The following ZNF345 variants were observed in gnomAD, a reference collection of about 807,000 sequenced individuals.
ZNF345 encodes zinc finger protein 345, also known as zinc finger protein HZF10.
For synonymous variants in ZNF345, 166 were observed against 187.9 expected (o/e 0.88, Z 0.95); for missense variants, 527 against 589.9 (o/e 0.89, Z 1.10).
rs1016426817 is a variant in ZNF345, at chr19:36,852,337, A to G, written c.-47+433A>G. Among the ~76,000 whole-genome samples, 7 of 151,862 alleles carry G rather than the reference A, an allele frequency of 4.6e-5. No homozygotes were observed. The East Asian group carries it at 5.8e-4, about 13-fold the overall frequency. ...TGATTAAATTGCTGATAGTGGCTGG[A>G]TGCAGTGGCTCATGCCTGTAATCCC... On this transcript the variant is annotated intron_variant, in intron 2 of 2. Coordinates refer to ENST00000420450, the MANE Select transcript of ZNF345 (RefSeq NM_001242472.2).
At chr19:36,863,770 G>A (rs2072603863) in intron 2 of ZNF345, among the ~76,000 whole-genome samples, 2 of 152,172 alleles carry the variant, frequency 1.3e-5, no homozygotes, top group Admixed American at 1.3e-4. Context: ...GTTAACATAA[G>A]TTAATCCATC....
At chr19:36,866,051 C>T (rs2072652972) in intron 2 of ZNF345, among the ~76,000 whole-genome samples, 1 of 151,902 alleles carries the variant, frequency 6.6e-6, no homozygotes. Flanking sequence ...TTATTTTATT[C>T]AGTTTGCTAG....
chr19:36,865,834 T>G lies in ZNF345; in HGVS notation c.-46-10951T>G, dbSNP rs545666322. On this transcript the variant is annotated intron_variant, in intron 2 of 2. Transcript: ENST00000420450. Reference sequence around the variant, plus strand: ...GTGCTGTTCATCAGAATGAGGAAATTACCTTCCACTCATAGCTTGTTCAAG... The same window carrying G: ...GTGCTGTTCATCAGAATGAGGAAATGACCTTCCACTCATAGCTTGTTCAAG... 2.8e-4 allele frequency among the ~76,000 whole-genome samples: 43 copies of G among 152,318 alleles called. No homozygotes were observed. In the South Asian group the frequency reaches 4.4e-3, roughly 15 times the overall value.
chr19:36,874,703 C>T (rs960210246), intron 2 of ZNF345, among the ~76,000 whole-genome samples: 4 of 151,676 alleles, frequency 2.6e-5, no homozygotes, highest in South Asian at 2.1e-4. Context: ...CACTTGAACC[C>T]GGGAGGCGGA....
At chr19:36,853,832 T>C (rs1410490947) in intron 2 of ZNF345, among the ~76,000 whole-genome samples, 2 of 152,236 alleles carry the variant, frequency 1.3e-5, no homozygotes, top group Non-Finnish European at 2.9e-5. Flanking sequence ...TTGGAGCAAG[T>C]ACACTTACCT....
intron 2 of ZNF345, among the ~76,000 whole-genome samples, chr19:36,874,020 T>G (rs938702270): frequency 3.3e-5 from 5 of 152,204 alleles, no homozygotes; most frequent in African/African-American, 1.2e-4. Flanking sequence ...ATATTTTGTA[T>G]GTTGATTGTT....
intron 3 of ZNF345, chr19:36,889,947 A>C (rs1334932901): frequency 1.3e-5 from 2 of 152,156 alleles, no homozygotes; most frequent in African/African-American, 4.8e-5. Context: ...GCTGTATCTC[A>C]GATGTTTTCA....
At chr19:36,887,419 G>A (rs1427768503) in intron 3 of ZNF345, among the ~76,000 whole-genome samples, 2 of 152,188 alleles carry the variant, frequency 1.3e-5, no homozygotes, top group Non-Finnish European at 2.9e-5. Flanking sequence ...TATAATGTAA[G>A]ATGTTTTTAG....
At chr19:36,851,986 T>A (rs1452782824) in intron 2 of ZNF345, 82 bp downstream of exon 2, 1 of 152,222 alleles carries the variant, frequency 6.6e-6, no homozygotes, top group African/African-American at 2.4e-5. Context: ...TTGAAAATTC[T>A]TGCCTATGAG....
At chr19:36,883,005 ATTT>A (rs900197475), downstream of ZNF345, among the ~76,000 whole-genome samples, 7 of 152,188 alleles carry the variant, frequency 4.6e-5, no homozygotes, top group African/African-American at 1.7e-4. Flanking sequence ...TGGTTGCTGT[ATTT>A]TTCACTGTGA....
chr19:36,892,630 C>T (rs1165697166), intron 3 of ZNF345, among the ~76,000 whole-genome samples: 2 of 152,148 alleles, frequency 1.3e-5, no homozygotes, highest in Admixed American at 1.3e-4. Context: ...AAAGCACAGA[C>T]ATTAGGAGAG....
At chr19:36,865,906 T>C (rs2072649967) in intron 2 of ZNF345, among the ~76,000 whole-genome samples, 1 of 152,196 alleles carries the variant, frequency 6.6e-6, no homozygotes, top group Admixed American at 6.5e-5. Context: ...TTTATCAAAT[T>C]CTCTGATTGT....
At chr19:36,892,878 G>T in exon 4 of ZNF345, 1 of 1,154,748 alleles carries the variant, frequency 8.7e-7, no homozygotes, top group Non-Finnish European at 1.1e-6. Context: ...AGCTTGTGGA[G>T]CTCCGACTGC....
chr19:36,859,541 C>G (rs1241665678), intron 2 of ZNF345, among the ~76,000 whole-genome samples: 1 of 150,556 alleles, frequency 6.6e-6, no homozygotes, highest in Non-Finnish European at 1.5e-5. Context: ...GAATTCAAAT[C>G]TGTTTTATAT....
In ZNF345 at chr19:36,877,505, T is replaced by C. The variant is rs753413109; in HGVS notation, c.675T>C (p.Thr225=). Reference sequence around the variant, plus strand: ...TTACTCAACATCGGCGGATTCATACTGGTGAGAAACCTTATGAATGCAAAG... The same window carrying C: ...TTACTCAACATCGGCGGATTCATACCGGTGAGAAACCTTATGAATGCAAAG... The part of the protein sequence containing the change: ...SNLTQHRRIH[T]GEKPYECKAC... The change falls in exon 3 of 3, where the codon ACT becomes ACC. Residue 225 remains threonine (T), a synonymous_variant. Transcript: ENST00000420450. 5.0e-6 allele frequency: 8 copies of C among 1,614,108 alleles called. No individual in the cohort carries two copies. The African/African-American group carries it at 1.1e-4, about 22-fold the overall frequency.
In ZNF345 at chr19:36,891,667, G is replaced by A. The variant is rs756758300; in HGVS notation, c.47-1151G>A. The A allele has an allele frequency of 6.2e-7, 1 of 1,613,508 alleles. No individual in the cohort carries two copies. The highest frequency in any genetic ancestry group is 1.1e-5 in the South Asian group (1 of 91,002). On this transcript the variant is annotated intron_variant, in intron 3 of 3. Coordinates refer to the ZNF345 transcript ENST00000526123. ...ATTACATTCATATGGTTTTTCATCT[G>A]TATGGATTCTCTGATGTTGAATAAG...
At chr19:36,869,379 G>C (rs2072729251) in intron 2 of ZNF345, among the ~76,000 whole-genome samples, 1 of 152,160 alleles carries the variant, frequency 6.6e-6, no homozygotes, top group South Asian at 2.1e-4. Flanking sequence ...AGCAGGGTGT[G>C]TCACCCTCCA....
At chr19:36,859,447 C>A (rs1383947706) in intron 2 of ZNF345, among the ~76,000 whole-genome samples, 6 of 151,982 alleles carry the variant, frequency 3.9e-5, no homozygotes, top group Admixed American at 3.9e-4. Flanking sequence ...TGAGCCACCA[C>A]ACCCAGACTT....
chr19:36,857,304 G>GTTTA (rs200267297), intron 2 of ZNF345, among the ~76,000 whole-genome samples: 2,464 of 151,576 alleles, frequency 0.016, 52 homozygotes, highest in Admixed American at 0.056. Context: ...TATAAAAATT[G>GTTTA]TTTATTTATT....
Sources: gnomAD v4.1 joint callset for allele counts (sites outside exome capture counted in the v4.1 genomes callset) on GRCh38, gnomAD v4.1.1 for gene constraint, MANE v1.5 for transcripts, NCBI Gene and HGNC (gene_info 2026-07-23, HGNC 2026-07-21) for gene names.